Variants in SAMD5 observed in about 807,000 individuals in gnomAD.
The protein encoded by SAMD5 is sterile alpha motif domain containing 5.
In SAMD5, 13 loss-of-function variants were observed where a neutral mutation model predicts 11.3. The observed-to-expected ratio is 1.15, with a 90% CI of 0.75 to 1.83. The LOEUF is 1.83. Among genes scored for constraint, SAMD5 ranks in the 40% most tolerant of loss-of-function variants. The pLI is 0.00. For missense variants in SAMD5, 255 were observed against 239.1 expected, an observed-to-expected ratio of 1.07 and a Z score of -0.44; for synonymous variants, 129 against 111.3, an observed-to-expected ratio of 1.16 and a Z score of -1.00.
intron 1 of SAMD5, among the ~76,000 whole-genome samples, chr6:147,559,230 G>A (rs143569973): frequency 1.3e-5 from 2 of 152,344 alleles, no homozygotes; most frequent in East Asian, 3.9e-4. Flanking sequence ...TTTTGTGTAG[G>A]AAGTTGGCAT....
chr6:147,845,517 C>T, the SAMD5 span, among the ~76,000 whole-genome samples: 5 of 152,166 alleles, frequency 3.3e-5, no homozygotes, highest in East Asian at 9.7e-4. Context: ...ATCTAGCCTA[C>T]ATAAAGAACT....
chr6:147,677,820 C>T (rs1170121412), intron 1 of SAMD5, among the ~76,000 whole-genome samples: 5 of 152,020 alleles, frequency 3.3e-5, no homozygotes, highest in African/African-American at 1.2e-4. Flanking sequence ...AGAGGCCCAA[C>T]CAAAAAGTGA....
At chr6:147,894,175 G>A in the SAMD5 span, among the ~76,000 whole-genome samples, 1 of 148,830 alleles carries the variant, frequency 6.7e-6, no homozygotes, top group Non-Finnish European at 1.5e-5. Context: ...CCAGGCTGGA[G>A]TGCAGTGGCA....
rs546514990 is a variant in SAMD5, at chr6:147,631,333, C to A, written c.163-105984C>A. On this transcript the variant is annotated intron_variant, in intron 1 of 1. Coordinates refer to the SAMD5 transcript ENST00000566741. ...ACCCAGGACATCCAATTAGAGAGTG[C>A]CCAAGGGGGTTCAGCATAATTACTT... Among the ~76,000 whole-genome samples the A allele has an allele frequency of 3.9e-5, 6 of 152,222 alleles. No homozygotes were observed. In the South Asian group the frequency reaches 1.2e-3, roughly 32 times the overall value.
At chr6:147,762,945 C>T in the SAMD5 span, among the ~76,000 whole-genome samples, 1 of 151,968 alleles carries the variant, frequency 6.6e-6, no homozygotes, top group Non-Finnish European at 1.5e-5. Flanking sequence ...GATTTAATAA[C>T]TTTTGTACAA....
In SAMD5 at chr6:147,626,791, G is replaced by GA. The variant is rs529975933; in HGVS notation, c.163-110500dup. On this transcript the variant is annotated intron_variant, in intron 1 of 1. Transcript: ENST00000566741. ...CAACATAACGAGACACTGTTTCTAT[G>GA]AAAAAAAAAAAAAAAAAAAAAAAAA... Among the ~76,000 whole-genome samples the GA allele has an allele frequency of 8.6e-3, 470 of 54,706 alleles. 20 individuals carry two copies. The highest frequency in any genetic ancestry group is 0.01 in the African/African-American group (192 of 18,648). 35.9% of individuals were successfully genotyped at this position (54,706 alleles called of 152,430 possible). A position where few individuals can be genotyped will look rare whatever the true frequency, so the allele number is the denominator to read the frequency against.
intron 1 of SAMD5, among the ~76,000 whole-genome samples, chr6:147,684,517 T>C (rs1459159234): frequency 5.9e-5 from 9 of 152,130 alleles, no homozygotes; most frequent in African/African-American, 2.4e-5. Flanking sequence ...TTGTGCAGTG[T>C]TAGTGGATGC....
downstream of SAMD5, among the ~76,000 whole-genome samples, chr6:147,570,734 A>T (rs756443669): frequency 1.3e-5 from 2 of 152,044 alleles, no homozygotes; most frequent in Admixed American, 6.6e-5. Flanking sequence ...AAGCAAAAAA[A>T]ATATATGGTA....
chr6:147,932,420 T>G, the SAMD5 span, among the ~76,000 whole-genome samples: 382 of 152,240 alleles, frequency 2.5e-3, 3 homozygotes, highest in Middle Eastern at 6.8e-3. Context: ...CAAAGTGGTG[T>G]GCAGTTACGT....
intron 1 of SAMD5, among the ~76,000 whole-genome samples, chr6:147,690,624 G>A (rs545007035): frequency 5.8e-4 from 88 of 152,154 alleles, no homozygotes; most frequent in Non-Finnish European, 8.1e-4. Flanking sequence ...ACTCCATCCT[G>A]GGTGACAGAG....
chr6:147,784,679 C>G, the SAMD5 span, among the ~76,000 whole-genome samples: 3 of 152,166 alleles, frequency 2.0e-5, no homozygotes, highest in Non-Finnish European at 4.4e-5. Context: ...TGATAACTAG[C>G]CACAAGCCAA....
At chr6:147,615,113 T>C (rs888424728) in intron 1 of SAMD5, among the ~76,000 whole-genome samples, 2 of 152,106 alleles carry the variant, frequency 1.3e-5, no homozygotes, top group Admixed American at 1.3e-4. Flanking sequence ...TATGCAAATA[T>C]ATACCACTTT....
the SAMD5 span, among the ~76,000 whole-genome samples, chr6:147,922,091 T>C: frequency 4.6e-5 from 7 of 152,224 alleles, no homozygotes; most frequent in East Asian, 7.7e-4. Flanking sequence ...TTCTCCTAGG[T>C]CACTTCCCCA....
At chr6:147,898,383 G>T in the SAMD5 span, among the ~76,000 whole-genome samples, 5 of 152,294 alleles carry the variant, frequency 3.3e-5, no homozygotes, top group South Asian at 1.0e-3. Flanking sequence ...TTCAATTTAT[G>T]ATAGTCACTT....
chr6:147,768,781 A>T, the SAMD5 span, among the ~76,000 whole-genome samples: 2 of 151,984 alleles, frequency 1.3e-5, no homozygotes, highest in Admixed American at 6.6e-5. Context: ...TTTTGTGGTG[A>T]GAACATTTAA....
At chr6:147,675,363 G>A (rs758656655) in intron 1 of SAMD5, among the ~76,000 whole-genome samples, 2 of 152,136 alleles carry the variant, frequency 1.3e-5, no homozygotes, top group Non-Finnish European at 2.9e-5. Context: ...CATCCTGAAC[G>A]TGTTCCCTCT....
At chr6:147,575,686 G>A (rs1209675950) in intron 1 of SAMD5, among the ~76,000 whole-genome samples, 1 of 152,206 alleles carries the variant, frequency 6.6e-6, no homozygotes, top group Admixed American at 6.5e-5. Context: ...GTAACTGCCT[G>A]AGACTCAGAA....
the SAMD5 span, among the ~76,000 whole-genome samples, chr6:147,915,056 C>G: frequency 1.3e-5 from 2 of 152,040 alleles, no homozygotes; most frequent in Non-Finnish European, 2.9e-5. Flanking sequence ...AGGTCCTGTA[C>G]TATGGGGGAA....
chr6:147,770,933 A>AT, the SAMD5 span, among the ~76,000 whole-genome samples: 2 of 152,108 alleles, frequency 1.3e-5, no homozygotes, highest in Non-Finnish European at 2.9e-5. Context: ...TACAGAGATG[A>AT]TAAAAACCTG....
Sources: allele counts gnomAD v4.1 joint callset (sites outside exome capture counted in the v4.1 genomes callset), GRCh38; gene constraint gnomAD v4.1.1; transcripts MANE v1.5; gene names NCBI Gene and HGNC (gene_info 2026-07-23, HGNC 2026-07-21).